Variants in STX12 observed in about 807,000 individuals in gnomAD.
The protein encoded by STX12 is syntaxin 12, also known as syntaxin-12.
A neutral mutation model predicts 42.2 loss-of-function variants in STX12; 17 were observed. The observed-to-expected ratio is 0.40, with a 90% CI of 0.28 to 0.60. The LOEUF (loss-of-function observed/expected upper bound fraction) is 0.60, where lower values mean the gene tolerates loss of function less well. Ranked by LOEUF, STX12 falls within the 20% of genes least tolerant of loss-of-function variation. The pLI, the probability that STX12 is intolerant of heterozygous loss-of-function variation, is 0.39. For synonymous variants in STX12, 108 were observed against 116.7 expected (o/e 0.93, Z 0.48); for missense variants, 297 against 330.9 (o/e 0.90, Z 0.79).
intron 1 of STX12, among the ~76,000 whole-genome samples, chr1:27,777,548 CTG>C (rs2088635401): frequency 6.6e-6 from 1 of 152,138 alleles, no homozygotes; most frequent in African/African-American, 2.4e-5. Flanking sequence ...TCCCCTTGTA[CTG>C]TGTAGTACAT....
In STX12 at chr1:27,812,174, G is replaced by A. The variant is rs1357374984; in HGVS notation, c.482G>A (p.Trp161Ter). The A allele has an allele frequency of 6.4e-7, 1 of 1,556,344 alleles. No homozygotes were observed. Among genetic ancestry groups the A allele is most frequent in the South Asian group, 1.2e-5 (1 of 84,290 alleles). Residue 161 changes from tryptophan to a stop codon, truncating the protein, a stop_gained, in exon 6 of 9, where the codon TGG (tryptophan) becomes TAG (stop). Transcript: ENST00000373943. LOFTEE classifies it high-confidence loss of function. ...CTGTTTCCCTGCAGCCATGAGGAGT[G>A]GAACCAGATGCAGAGCCAGGAGGAT... is the stretch of plus-strand genomic sequence containing the variant. ...QLVSFDSHEE[W>*]NQMQSQEDEV...
intron 1 of STX12, among the ~76,000 whole-genome samples, chr1:27,777,196 A>G (rs2088633407): frequency 6.6e-6 from 1 of 152,174 alleles, no homozygotes; most frequent in Non-Finnish European, 1.5e-5. Flanking sequence ...GAGTCAGGGA[A>G]GAGGGAGGGT....
At chr1:27,803,122 G>C (rs1265205385) in intron 4 of STX12, among the ~76,000 whole-genome samples, 2 of 152,132 alleles carry the variant, frequency 1.3e-5, no homozygotes, top group Non-Finnish European at 1.5e-5. Flanking sequence ...TGGAGTTATA[G>C]AGTGAGAATA....
chr1:27,811,244 G>C (rs182786313), intron 5 of STX12, among the ~76,000 whole-genome samples: 2 of 149,038 alleles, frequency 1.3e-5, no homozygotes, highest in Non-Finnish European at 3.0e-5. Context: ...TCTTGAACCC[G>C]GGGGGCGGAG....
rs527792632 is a variant in STX12, at chr1:27,796,270, T to A, written c.288+2638T>A. On this transcript the variant is annotated intron_variant, in intron 3 of 8. Transcript: ENST00000373943. ...TAATTAATCTTAGCCCCATCACCCG[T>A]CTTTTCATTACTATCTTATACATCA... Among the ~76,000 whole-genome samples the A allele has an allele frequency of 3.9e-5, 6 of 152,320 alleles. No homozygotes were observed. In the East Asian group the frequency reaches 1.2e-3, roughly 29 times the overall value.
At chr1:27,810,369 G>GA in intron 5 of STX12, 80 bp downstream of exon 5, 1 of 1,377,930 alleles carries the variant, frequency 7.3e-7, no homozygotes, top group African/African-American at 1.4e-5. Context: ...AAAAATCAAT[G>GA]AAAAAATAGA....
At chr1:27,814,667 G>GGT (rs1468674568) in intron 6 of STX12, among the ~76,000 whole-genome samples, 1 of 152,010 alleles carries the variant, frequency 6.6e-6, no homozygotes, top group Non-Finnish European at 1.5e-5. Flanking sequence ...TGACCAACAT[G>GGT]GTAAAACCCC....
At chr1:27,775,980 G>A (rs1441897041) in intron 1 of STX12, among the ~76,000 whole-genome samples, 7 of 152,168 alleles carry the variant, frequency 4.6e-5, no homozygotes, top group Non-Finnish European at 8.8e-5. Context: ...GATGTTAAAT[G>A]CTAAGCTAAG....
intron 1 of STX12, among the ~76,000 whole-genome samples, chr1:27,785,845 G>A (rs1232524755): frequency 6.6e-6 from 1 of 152,210 alleles, no homozygotes; most frequent in Non-Finnish European, 1.5e-5. Flanking sequence ...TGAGTACAGA[G>A]GAGTGTTCCC....
At chr1:27,818,958 G>T (rs970117491) in intron 7 of STX12, among the ~76,000 whole-genome samples, 1 of 151,882 alleles carries the variant, frequency 6.6e-6, no homozygotes, top group Non-Finnish European at 1.5e-5. Flanking sequence ...TTTCTATGTG[G>T]AAATAATTTC....
intron 1 of STX12, among the ~76,000 whole-genome samples, chr1:27,787,519 C>T (rs1444944859): frequency 3.3e-5 from 5 of 151,904 alleles, no homozygotes; most frequent in African/African-American, 9.7e-5. Flanking sequence ...ATTAGCCAGG[C>T]GTGGTGGCAC....
At position 27,822,482 on chromosome 1, in the gene STX12, G is replaced by T; in HGVS notation, c.*153G>T. 1.8e-6 allele frequency: 1 copy of T among 571,302 alleles called. No homozygotes were observed. The highest frequency in any genetic ancestry group is 3.2e-6 in the Non-Finnish European group (1 of 315,266). 35.4% of individuals were successfully genotyped at this position (571,302 alleles called of 1,614,324 possible). Reference sequence around the variant, plus strand: ...AACTACTAACTAGTCTTTGGAATTCGTGACCTATGGAGACAGTAATTATCA... The same window carrying T: ...AACTACTAACTAGTCTTTGGAATTCTTGACCTATGGAGACAGTAATTATCA... On this transcript the variant is annotated 3_prime_UTR_variant, in exon 9 of 9. Coordinates refer to ENST00000373943, the MANE Select transcript of STX12 (RefSeq NM_177424.3).
At chr1:27,782,440 A>G (rs903160737) in intron 1 of STX12, among the ~76,000 whole-genome samples, 3 of 152,188 alleles carry the variant, frequency 2.0e-5, no homozygotes, top group Non-Finnish European at 4.4e-5. Flanking sequence ...TAACCATTGC[A>G]TATTCTGAAA....
intron 4 of STX12, 157 bp downstream of exon 4, chr1:27,801,972 T>A: frequency 3.0e-6 from 2 of 670,968 alleles, no homozygotes; most frequent in Non-Finnish European, 4.6e-6. Flanking sequence ...TATATGCATG[T>A]GATCAAAGCC....
chr1:27,776,236 A>C (rs929498797), intron 1 of STX12, among the ~76,000 whole-genome samples: 6 of 152,192 alleles, frequency 3.9e-5, no homozygotes, highest in Non-Finnish European at 4.4e-5. Context: ...CAGTATGAAA[A>C]GTGCTTTACA....
intron 3 of STX12, among the ~76,000 whole-genome samples, chr1:27,799,792 G>T (rs1280431198): frequency 6.6e-6 from 1 of 151,880 alleles, no homozygotes; most frequent in Non-Finnish European, 1.5e-5. Flanking sequence ...CACATGTGTT[G>T]CCCAGGCTGG....
intron 5 of STX12, 72 bp from the exon 6 acceptor site, chr1:27,812,091 T>C (rs1235343536): frequency 8.0e-7 from 1 of 1,249,130 alleles, no homozygotes; most frequent in East Asian, 2.6e-5. Context: ...CTGCTGGCAG[T>C]AGAGATGTTG....
At chr1:27,778,098 A>G (rs2088639111) in intron 1 of STX12, among the ~76,000 whole-genome samples, 1 of 152,168 alleles carries the variant, frequency 6.6e-6, no homozygotes, top group Non-Finnish European at 1.5e-5. Context: ...CAGCCCTGCA[A>G]GGACTTGTAC....
chr1:27,797,488 C>T (rs555811114), intron 3 of STX12, among the ~76,000 whole-genome samples: 2 of 152,250 alleles, frequency 1.3e-5, no homozygotes, highest in South Asian at 2.1e-4. Flanking sequence ...GCCTCCTTCC[C>T]GGACTTCATA....
Sources: gnomAD v4.1 joint callset for allele counts (sites outside exome capture counted in the v4.1 genomes callset) on GRCh38, gnomAD v4.1.1 for gene constraint, MANE v1.5 for transcripts, NCBI Gene and HGNC (gene_info 2026-07-23, HGNC 2026-07-21) for gene names.